The following VPS9D1 variants were observed in gnomAD, a reference collection of about 807,000 sequenced individuals.
The protein encoded by VPS9D1 is VPS9 domain-containing protein 1.
Under a neutral mutation model 75.8 loss-of-function variants are expected in VPS9D1, and 78 were observed. The observed-to-expected ratio is 1.03, with a 90% confidence interval of 0.86 to 1.24. The LOEUF (loss-of-function observed/expected upper bound fraction) is 1.24, where lower values mean the gene tolerates loss of function less well. Ranked by LOEUF, VPS9D1 falls within the 50% of genes most tolerant of loss-of-function variation. The probability of loss-of-function intolerance (pLI) is 0.00; values close to 1 mark genes in which losing one functional copy is unlikely to be tolerated. For missense variants in VPS9D1, 1,057 were observed against 847.7 expected, an observed-to-expected ratio of 1.25 and a Z score of -3.07; for synonymous variants, 481 against 385.6, an observed-to-expected ratio of 1.25 and a Z score of -2.90.
intron 4 of VPS9D1, among the ~76,000 whole-genome samples, chr16:89,714,988 C>A (rs2061027563): frequency 6.6e-6 from 1 of 152,076 alleles, no homozygotes; most frequent in Non-Finnish European, 1.5e-5. Context: ...CTGCCTTGGC[C>A]TCCCTCCCAT....
At chr16:89,714,364 C>G (rs1848172217) in intron 4 of VPS9D1, among the ~76,000 whole-genome samples, 1 of 152,200 alleles carries the variant, frequency 6.6e-6, no homozygotes, top group Non-Finnish European at 1.5e-5. Flanking sequence ...TTTAAAGGCA[C>G]TATGTGGGTC....
chr16:89,710,413 C>T (rs923106298), intron 10 of VPS9D1, among the ~76,000 whole-genome samples, 173 bp downstream of exon 10: 1 of 152,162 alleles, frequency 6.6e-6, no homozygotes, highest in Non-Finnish European at 1.5e-5. Flanking sequence ...TGGTGAAACT[C>T]CGTTTCTACC....
At chr16:89,716,092 G>T (rs891278671) in intron 4 of VPS9D1, among the ~76,000 whole-genome samples, 1 of 151,942 alleles carries the variant, frequency 6.6e-6, no homozygotes, top group Non-Finnish European at 1.5e-5. Flanking sequence ...TGGGGGCCGG[G>T]CGCGGTGACT....
At chr16:89,719,610 G>T (rs2061189074) in intron 1 of VPS9D1, among the ~76,000 whole-genome samples, 2 of 152,186 alleles carry the variant, frequency 1.3e-5, no homozygotes, top group Admixed American at 1.3e-4. Context: ...CCCTTTCCCA[G>T]AACCTGCGAG....
At chr16:89,720,655 C>T in intron 1 of VPS9D1, 108 bp downstream of exon 1, 3 of 1,234,522 alleles carry the variant, frequency 2.4e-6, no homozygotes, top group Middle Eastern at 3.2e-4. Flanking sequence ...CGGCTGGCGC[C>T]CGCTCCCAAG....
chr16:89,708,609 C>G (rs980892442), intron 13 of VPS9D1, 78 bp from the exon 14 acceptor site: 1 of 1,410,326 alleles, frequency 7.1e-7, no homozygotes, highest in African/African-American at 1.4e-5. Flanking sequence ...TGGAGCCATC[C>G]TGGCCGTGCT....
Position 89,716,449 on chromosome 16 carries a change from T to C in VPS9D1, c.431+13A>G. 2 of 1,613,812 alleles carry C rather than the reference T, an allele frequency of 1.2e-6. No individual in the cohort carries two copies. Among genetic ancestry groups the C allele is most frequent in the African/African-American group, 1.3e-5 (1 of 75,052 alleles). ...TCCCAGGCTCATCCCACCTCCCATCTTGTCCATCTTACTTCTTACAGCTTT... is the reference window on the plus strand; with the variant it reads ...TCCCAGGCTCATCCCACCTCCCATCCTGTCCATCTTACTTCTTACAGCTTT... On this transcript the variant is annotated intron_variant, in intron 4 of 14. Coordinates refer to ENST00000389386, the MANE Select transcript of VPS9D1 (RefSeq NM_004913.3).
intron 9 of VPS9D1, 89 bp from the exon 10 acceptor site, chr16:89,711,099 C>T (rs2151624459): frequency 1.5e-6 from 2 of 1,330,486 alleles, no homozygotes; most frequent in Non-Finnish European, 9.9e-7. Flanking sequence ...TTCAGAGAAG[C>T]GACTTGCATT....
chr16:89,715,925 C>T (rs916562122), intron 4 of VPS9D1, among the ~76,000 whole-genome samples: 33 of 151,926 alleles, frequency 2.2e-4, no homozygotes, highest in Non-Finnish European at 4.1e-4. Context: ...GATCTGCTCG[C>T]CTCGGCCTCC....
chr16:89,709,020 A>ACAC, intron 12 of VPS9D1, 64 bp from the exon 13 acceptor site: 2 of 1,277,896 alleles, frequency 1.6e-6, no homozygotes, highest in African/African-American at 4.6e-5. Flanking sequence ...CACCCCTTAT[A>ACAC]CCCCGCCCAC....
intron 2 of VPS9D1, 130 bp downstream of exon 2, chr16:89,718,896 GT>G: frequency 1.4e-6 from 1 of 731,180 alleles, no homozygotes; most frequent in South Asian, 1.6e-5. Context: ...TAGATTTTTA[GT>G]AGAGACGGGG....
chr16:89,708,061 G>T, intron 14 of VPS9D1, 107 bp from the exon 15 acceptor site: 1 of 1,122,046 alleles, frequency 8.9e-7, no homozygotes, highest in Non-Finnish European at 1.3e-6. Context: ...TGGGTGCTGA[G>T]GGTGGGCAGG....
At chr16:89,715,364 C>CTA (rs2151634316) in intron 4 of VPS9D1, among the ~76,000 whole-genome samples, 2 of 149,994 alleles carry the variant, frequency 1.3e-5, no homozygotes, top group African/African-American at 4.9e-5. Flanking sequence ...GTAGCTGGGA[C>CTA]TATAGGTGCC....
rs770161261 is a variant in VPS9D1 at position 89,716,798 on chromosome 16, T to C, written c.200A>G (p.Asp67Gly). ...TKEAGETVPPDTSKMLKLAQQ... is the reference protein window; with the variant it reads ...TKEAGETVPPGTSKMLKLAQQ... ...TGCTAGCTTCAGCATCTTGGAGGTGTCGGGGGGCACAGTTTCCCCAGCTTC... is the reference window on the plus strand; with the variant it reads ...TGCTAGCTTCAGCATCTTGGAGGTGCCGGGGGGCACAGTTTCCCCAGCTTC... The change falls in exon 3 of 15, where the codon GAC (aspartate) becomes GGC (glycine). Residue 67 changes from aspartate (D) to glycine (G), a missense_variant. Transcript: ENST00000389386. The C allele has an allele frequency of 1.3e-6, 2 of 1,592,484 alleles. No individual in the cohort carries two copies. Among genetic ancestry groups the C allele is most frequent in the East Asian group, 2.2e-5 (1 of 44,620 alleles).
At chr16:89,720,079 T>C (rs1238513893) in intron 1 of VPS9D1, among the ~76,000 whole-genome samples, 1 of 152,210 alleles carries the variant, frequency 6.6e-6, no homozygotes, top group Non-Finnish European at 1.5e-5. Flanking sequence ...AGTCTATGCC[T>C]CAGAGAGAAA....
At chr16:89,710,280 C>G (rs542535981) in intron 10 of VPS9D1, among the ~76,000 whole-genome samples, 21 of 152,196 alleles carry the variant, frequency 1.4e-4, no homozygotes, top group Admixed American at 1.3e-4. Flanking sequence ...TTGGGCCTCC[C>G]TCAGTGGTTC....
chr16:89,720,453 C>T, intron 1 of VPS9D1: 1 of 1,072,514 alleles, frequency 9.3e-7, no homozygotes, highest in East Asian at 6.2e-5. Flanking sequence ...CTGCCCGTCA[C>T]TCGGATTTTG....
intron 2 of VPS9D1, chr16:89,717,525 C>G (rs1413629156): frequency 2.2e-6 from 1 of 455,370 alleles, no homozygotes; most frequent in Non-Finnish European, 4.4e-6. Flanking sequence ...CTCTCTGTGA[C>G]TCGCCCCTGG....
At chr16:89,713,321 C>G (rs905851139) in intron 4 of VPS9D1, among the ~76,000 whole-genome samples, 3 of 151,398 alleles carry the variant, frequency 2.0e-5, no homozygotes, top group Non-Finnish European at 4.4e-5. Context: ...GTGGCGCAAT[C>G]TCGGCTCACT....
Sources: allele counts gnomAD v4.1 joint callset (sites outside exome capture counted in the v4.1 genomes callset), GRCh38; gene constraint gnomAD v4.1.1; transcripts MANE v1.5; gene names NCBI Gene and HGNC (gene_info 2026-07-23, HGNC 2026-07-21).